The following ITPR1 variants were observed in gnomAD, a reference collection of about 807,000 sequenced individuals.
ITPR1 encodes the protein inositol 1,4,5-trisphosphate-gated calcium channel ITPR1.
In ITPR1, 96 loss-of-function variants were observed where a neutral mutation model predicts 318.4. That is an observed-to-expected ratio of 0.30 (90% CI 0.26 to 0.36). The LOEUF is 0.36. ITPR1 is among the 10% of genes least tolerant of loss of function. ITPR1 has a pLI of 1.00. For synonymous variants in ITPR1, 1,312 were observed against 1,289.9 expected, an observed-to-expected ratio of 1.02 and a Z score of -0.37; for missense variants, 2,440 against 3,460.2, an observed-to-expected ratio of 0.71 and a Z score of 7.40.
chr3:4,752,272 A>G (rs2044591076), intron 44 of ITPR1, among the ~76,000 whole-genome samples: 2 of 152,200 alleles, frequency 1.3e-5, no homozygotes, highest in South Asian at 2.1e-4. Context: ...CAGAGCTTGT[A>G]GCTATCAAGT....
At position 4,811,378 on chromosome 3, in the gene ITPR1, G is replaced by A. The variant is rs757334294; in HGVS notation, c.7386G>A (p.Leu2462=). 3 of 1,613,884 alleles carry A rather than the reference G, an allele frequency of 1.9e-6. No individual in the cohort carries two copies. The African/African-American group carries it at 4.0e-5, about 22-fold the overall frequency. The change falls in exon 56 of 62, where the codon CTG becomes CTA. Residue 2462 remains leucine (L), a synonymous_variant. Coordinates refer to ENST00000649015, the MANE Select transcript of ITPR1 (RefSeq NM_001378452.1). ...TTCTGGCTCTGATCCTCGTTTACCT[G>A]TTCTCAATAGTGGGCTATCTTTTCT... The part of the protein sequence containing the change: ...TAVLALILVY[L]FSIVGYLFFK...
rs58112934 is a variant in ITPR1, at chr3:4,673,577, TTTTGTTTGTTTG to T, written c.2456+203_2456+214del. Among the ~76,000 whole-genome samples the T allele has an allele frequency of 0.32, 48,686 of 151,808 alleles. 8,267 individuals are homozygous for T. Among genetic ancestry groups the T allele is most frequent in the East Asian group, 0.64 (3,294 of 5,150 alleles). The stretch of plus-strand genomic sequence containing the variant: ...AAGATGGCATGATTATGTTTTTGGT[TTTTGTTTGTTTG>T]TTTGTTTGTTTGAGATGGAGTCTCA... On this transcript the variant is annotated intron_variant, in intron 21 of 61. Coordinates refer to ENST00000649015, the MANE Select transcript of ITPR1 (RefSeq NM_001378452.1).
chr3:4,669,838 A>G (rs2125206871), intron 19 of ITPR1, 65 bp downstream of exon 19: 1 of 1,442,478 alleles, frequency 6.9e-7, no homozygotes, highest in East Asian at 2.5e-5. Context: ...GCTCATGAGG[A>G]ATAAAACCTA....
intron 46 of ITPR1, 31 bp downstream of exon 46, chr3:4,768,795 A>AG: frequency 6.3e-7 from 1 of 1,584,168 alleles, no homozygotes. Flanking sequence ...GCGTGGAGGG[A>AG]GCTCGGGAAA....
intron 2 of ITPR1, among the ~76,000 whole-genome samples, chr3:4,512,786 C>T (rs2081931254): frequency 6.6e-6 from 1 of 152,114 alleles, no homozygotes; most frequent in Admixed American, 6.5e-5. Flanking sequence ...AAATTATCCC[C>T]ATTTAACAGA....
At chr3:4,727,533 T>C (rs2042605763) in intron 42 of ITPR1, among the ~76,000 whole-genome samples, 1 of 152,216 alleles carries the variant, frequency 6.6e-6, no homozygotes, top group Admixed American at 6.5e-5. Context: ...AAAACGTTCA[T>C]AATTACATTA....
At chr3:4,501,770 G>A (rs929820811) in intron 2 of ITPR1, among the ~76,000 whole-genome samples, 2 of 152,114 alleles carry the variant, frequency 1.3e-5, no homozygotes, top group African/African-American at 4.8e-5. Flanking sequence ...GCTTTTATTC[G>A]CTGTTCACAT....
intron 4 of ITPR1, among the ~76,000 whole-genome samples, chr3:4,528,317 A>G (rs1181694108): frequency 1.3e-5 from 2 of 152,198 alleles, no homozygotes; most frequent in Non-Finnish European, 2.9e-5. Context: ...TTGGGATTAC[A>G]GGTCTCTTTG....
chr3:4,596,153 C>G (rs1021098122), intron 4 of ITPR1: 1 of 152,186 alleles, frequency 6.6e-6, no homozygotes, highest in Non-Finnish European at 1.5e-5. Flanking sequence ...TTTCACCGAG[C>G]TTAAGTTGCT....
At chr3:4,729,899 C>G (rs747238212) in intron 42 of ITPR1, among the ~76,000 whole-genome samples, 1 of 149,914 alleles carries the variant, frequency 6.7e-6, no homozygotes, top group Non-Finnish European at 1.5e-5. Context: ...AATGTTAAAG[C>G]TGAAGAAGTG....
At position 4,795,168 on chromosome 3, in the gene ITPR1, G is replaced by A. The variant is rs200426774; in HGVS notation, c.6912G>A (p.Pro2304=). The change falls in exon 53 of 62, where the codon CCG becomes CCA. Residue 2304 remains proline (P), a synonymous_variant. Coordinates refer to ENST00000649015, the MANE Select transcript of ITPR1 (RefSeq NM_001378452.1). The stretch of plus-strand genomic sequence containing the variant: ...ACCTGCTGGTGGCGTTTTTCTACCC[G>A]TTTAAGGGAGTCCGAGGAGGTACCC... The part of the protein sequence containing the change: ...LMNLLVAFFY[P]FKGVRGGTLE... 881 of 1,613,492 alleles carry A rather than the reference G, an allele frequency of 5.5e-4. 1 individual carries two copies. Among genetic ancestry groups the A allele is most frequent in the Middle Eastern group, 9.9e-4 (6 of 6,060 alleles).
chr3:4,675,432 G>A (rs902457233), intron 23 of ITPR1, among the ~76,000 whole-genome samples, 184 bp downstream of exon 23: 13 of 152,178 alleles, frequency 8.5e-5, no homozygotes, highest in Non-Finnish European at 4.4e-5. Flanking sequence ...GGAGTCCCAC[G>A]TACCCATGAC....
intron 54 of ITPR1, among the ~76,000 whole-genome samples, chr3:4,804,834 A>G (rs1031334418): frequency 2.0e-5 from 3 of 152,188 alleles, no homozygotes; most frequent in Non-Finnish European, 2.9e-5. Flanking sequence ...TTCCTCGCTT[A>G]TCTGATTGCC....
chr3:4,790,710 G>C (rs2047501684), intron 52 of ITPR1, among the ~76,000 whole-genome samples: 1 of 152,172 alleles, frequency 6.6e-6, no homozygotes, highest in Non-Finnish European at 1.5e-5. Context: ...AGGATCATCT[G>C]TTCTTCAGTA....
At chr3:4,722,502 T>C (rs1349237475) in intron 40 of ITPR1, among the ~76,000 whole-genome samples, 1 of 152,232 alleles carries the variant, frequency 6.6e-6, no homozygotes, top group Non-Finnish European at 1.5e-5. Flanking sequence ...TATAATTCCA[T>C]TTATTCATTT....
chr3:4,565,056 A>G (rs1327498006), intron 4 of ITPR1, among the ~76,000 whole-genome samples: 2 of 152,208 alleles, frequency 1.3e-5, no homozygotes, highest in Non-Finnish European at 1.5e-5. Context: ...CCTGGAAGCC[A>G]CGGCCCCTTT....
chr3:4,770,379 C>A (rs1218327493), intron 46 of ITPR1, among the ~76,000 whole-genome samples: 1 of 152,188 alleles, frequency 6.6e-6, no homozygotes, highest in Non-Finnish European at 1.5e-5. Context: ...AACGTTAATA[C>A]CTTCTATAGT....
rs188217841 is a variant in ITPR1 at position 4,831,568 on chromosome 3, G to A, written c.8029-5206G>A. Among the ~76,000 whole-genome samples the A allele has an allele frequency of 2.6e-5, 4 of 151,754 alleles. No individual in the cohort carries two copies. In the East Asian group the frequency reaches 7.8e-4, roughly 30 times the overall value. On this transcript the variant is annotated intron_variant, in intron 60 of 61. Coordinates refer to ENST00000649015, the MANE Select transcript of ITPR1 (RefSeq NM_001378452.1). Reference sequence around the variant, plus strand: ...CTCTCCCCACCTTCCCCTCCCAACCGCATATACACACACACACCCCAAGAT... The same window carrying A: ...CTCTCCCCACCTTCCCCTCCCAACCACATATACACACACACACCCCAAGAT...
intron 47 of ITPR1, among the ~76,000 whole-genome samples, chr3:4,775,733 A>T (rs2046443923): frequency 6.6e-6 from 1 of 152,226 alleles, no homozygotes; most frequent in African/African-American, 2.4e-5. Context: ...AGGAGTAGGC[A>T]ATAAGGCAGG....
Sources: gnomAD v4.1 joint callset for allele counts (sites outside exome capture counted in the v4.1 genomes callset) on GRCh38, gnomAD v4.1.1 for gene constraint, MANE v1.5 for transcripts, NCBI Gene and HGNC (gene_info 2026-07-23, HGNC 2026-07-21) for gene names.